SYN3: variants seen among roughly 807,000 people sequenced by gnomAD.
SYN3 encodes synapsin III.
In SYN3, 35 loss-of-function variants were observed where a neutral mutation model predicts 65.8. The observed-to-expected ratio is 0.53, with a 90% CI of 0.41 to 0.70. The LOEUF (loss-of-function observed/expected upper bound fraction) is 0.70. Ranked by LOEUF, SYN3 falls within the 30% of genes least tolerant of loss-of-function variation. The pLI, the probability that SYN3 is intolerant of heterozygous loss-of-function variation, is 0.00. For synonymous variants in SYN3, 270 were observed against 292.9 expected, an observed-to-expected ratio of 0.92 and a Z score of 0.80; for missense variants, 680 against 749.0, an observed-to-expected ratio of 0.91 and a Z score of 1.08.
intron 1 of SYN3, among the ~76,000 whole-genome samples, chr22:33,037,026 A>G (rs964762918): frequency 4.0e-5 from 6 of 151,762 alleles, no homozygotes; most frequent in Non-Finnish European, 8.8e-5. Flanking sequence ...GAGTTACTGA[A>G]CTCCCAGCGC....
rs574410645 is a variant in SYN3 at position 33,013,635 on chromosome 22, A to G, written c.-162-6811T>C. Among the ~76,000 whole-genome samples the G allele has an allele frequency of 5.9e-5, 9 of 152,318 alleles. No homozygotes were observed. The South Asian group carries it at 8.3e-4, about 14-fold the overall frequency. ...ATTTATAATGCATTATAGTGACTGT[A>G]AAGTCACTATTCTGTGCAAAAGATC... On this transcript the variant is annotated intron_variant, in intron 1 of 13. Coordinates refer to ENST00000358763, the MANE Select transcript of SYN3 (RefSeq NM_003490.4).
intron 6 of SYN3, among the ~76,000 whole-genome samples, chr22:32,726,392 T>C (rs1008361657): frequency 3.4e-4 from 52 of 152,302 alleles, no homozygotes; most frequent in African/African-American, 1.1e-3. Flanking sequence ...CTGCCCGCCT[T>C]GGCCTCCCAA....
intron 12 of SYN3, among the ~76,000 whole-genome samples, chr22:32,522,683 A>G (rs2057906548): frequency 6.6e-6 from 1 of 152,348 alleles, no homozygotes; most frequent in East Asian, 1.9e-4. Context: ...GTAAATTATT[A>G]GTAGTAAGAA....
At chr22:32,644,462 G>A (rs1248807181) in intron 6 of SYN3, among the ~76,000 whole-genome samples, 3 of 152,128 alleles carry the variant, frequency 2.0e-5, no homozygotes, top group African/African-American at 7.2e-5. Context: ...TGCCACGTGA[G>A]TGTCAGGGGC....
intron 6 of SYN3, among the ~76,000 whole-genome samples, chr22:32,633,271 A>AT (rs2059770617): frequency 6.6e-6 from 1 of 152,144 alleles, no homozygotes; most frequent in Non-Finnish European, 1.5e-5. Context: ...GACTGCTTTG[A>AT]TTTTATTATC....
chr22:32,553,834 C>T (rs2058451221), intron 7 of SYN3, among the ~76,000 whole-genome samples: 1 of 152,174 alleles, frequency 6.6e-6, no homozygotes, highest in Non-Finnish European at 1.5e-5. Context: ...GCCCACATCC[C>T]AGAGTTTATC....
At chr22:32,656,643 A>C (rs2060145524) in intron 6 of SYN3, among the ~76,000 whole-genome samples, 1 of 152,170 alleles carries the variant, frequency 6.6e-6, no homozygotes, top group Non-Finnish European at 1.5e-5. Context: ...GCAAAATCAG[A>C]ATTTCTAAAT....
chr22:32,649,162 T>C (rs1183210604), intron 6 of SYN3, among the ~76,000 whole-genome samples: 1 of 152,184 alleles, frequency 6.6e-6, no homozygotes, highest in Non-Finnish European at 1.5e-5. Flanking sequence ...GCCAATGGGC[T>C]GGTAGCAAAC....
chr22:32,754,718 C>A (rs969566922), intron 6 of SYN3, among the ~76,000 whole-genome samples: 15 of 152,234 alleles, frequency 9.9e-5, no homozygotes, highest in African/African-American at 3.1e-4. Context: ...CAGTCCTACA[C>A]CTTGATGCCT....
rs1601543975 is a variant in SYN3, at chr22:32,518,191, A to G, written c.1462T>C (p.Ser488Pro). Residue 488 changes from serine (S) to proline (P), a missense_variant, in exon 13 of 14, where the codon TCC becomes CCC. Ser to Pro is a moderately conservative substitution (Grantham distance 74). Transcript: ENST00000358763. ...GGGGAGCTGCCACTGGATGCCCGGG[A>G]TAGCTGCGGAGAGCCTGGTGACCTT... ...QQRSPGSPQL[S>P]RASSGSSPNQ... The G allele has an allele frequency of 1.9e-6, 3 of 1,613,822 alleles. No individual in the cohort carries two copies. The African/African-American group carries it at 4.0e-5, about 22-fold the overall frequency.
intron 4 of SYN3, among the ~76,000 whole-genome samples, chr22:32,908,335 C>T (rs1378204107): frequency 1.3e-5 from 2 of 151,600 alleles, no homozygotes; most frequent in African/African-American, 4.8e-5. Flanking sequence ...ATCCGCCCAC[C>T]TTGGCCTCCC....
chr22:32,708,609 G>A (rs1156612642), intron 6 of SYN3, among the ~76,000 whole-genome samples: 2 of 152,170 alleles, frequency 1.3e-5, no homozygotes, highest in African/African-American at 2.4e-5. Flanking sequence ...CCTACCCGGT[G>A]GTTTGGGGAG....
rs149864330 is a variant in SYN3 at position 32,763,944 on chromosome 22, C to T, written c.711+100971G>A. Among the ~76,000 whole-genome samples the T allele has an allele frequency of 2.7e-3, 241 of 88,468 alleles. 1 individual carries two copies. The highest frequency in any genetic ancestry group is 3.5e-3 in the Admixed American group (30 of 8,466). 58.0% of individuals were successfully genotyped at this position (88,468 alleles called of 152,430 possible). A position where few individuals can be genotyped will look rare whatever the true frequency, so the allele number is the denominator to read the frequency against. On this transcript the variant is annotated intron_variant, in intron 6 of 13. Coordinates refer to ENST00000358763, the MANE Select transcript of SYN3 (RefSeq NM_003490.4). The stretch of plus-strand genomic sequence containing the variant: ...AATTTGGTGTAGAAGCCCCCCCCCC[C>T]TTTTTTTTTTTGAGACTGAGTCTCA...
intron 3 of SYN3, among the ~76,000 whole-genome samples, chr22:32,958,928 C>T (rs2051552668): frequency 6.6e-6 from 1 of 152,124 alleles, no homozygotes; most frequent in Non-Finnish European, 1.5e-5. Context: ...CACAGTGGCT[C>T]ACCCCTATAA....
At chr22:32,751,466 G>A (rs780622970) in intron 6 of SYN3, among the ~76,000 whole-genome samples, 3 of 152,188 alleles carry the variant, frequency 2.0e-5, no homozygotes, top group Non-Finnish European at 2.9e-5. Flanking sequence ...GTCCAGGTGC[G>A]GGTGGTCATG....
chr22:32,995,487 C>G (rs1052470094), intron 2 of SYN3, among the ~76,000 whole-genome samples: 25 of 152,078 alleles, frequency 1.6e-4, no homozygotes, highest in African/African-American at 5.8e-4. Flanking sequence ...ACAACCCTAC[C>G]CCAAGCCACT....
chr22:32,565,835 C>T (rs977205735), intron 7 of SYN3, among the ~76,000 whole-genome samples: 1 of 152,030 alleles, frequency 6.6e-6, no homozygotes, highest in Non-Finnish European at 1.5e-5. Context: ...CCTCAGCCCC[C>T]CCGAGTAGCT....
chr22:32,917,586 G>A (rs2050218859), intron 4 of SYN3, among the ~76,000 whole-genome samples: 1 of 152,190 alleles, frequency 6.6e-6, no homozygotes, highest in Non-Finnish European at 1.5e-5. Flanking sequence ...GTGGTGGAGT[G>A]GGACCCAGAG....
intron 6 of SYN3, among the ~76,000 whole-genome samples, chr22:32,686,408 A>G (rs1288993785): frequency 6.6e-6 from 1 of 150,918 alleles, no homozygotes; most frequent in Non-Finnish European, 1.5e-5. Context: ...TTTTTTTTCA[A>G]GAAAAGTCAG....
Sources: allele counts gnomAD v4.1 joint callset (sites outside exome capture counted in the v4.1 genomes callset), GRCh38; gene constraint gnomAD v4.1.1; transcripts MANE v1.5; gene names NCBI Gene and HGNC (gene_info 2026-07-23, HGNC 2026-07-21).